Variants in AUH observed in about 807,000 individuals in gnomAD.
AUH encodes the protein AU RNA binding methylglutaconyl-CoA hydratase, also known as methylglutaconyl-CoA hydratase, mitochondrial.
A neutral mutation model predicts 42.3 loss-of-function variants in AUH; 29 were observed. The observed-to-expected ratio is 0.69, with a 90% CI of 0.51 to 0.93. AUH has a LOEUF of 0.93. AUH is among the 40% of genes least tolerant of loss of function. AUH has a pLI of 0.00. For synonymous variants in AUH, 174 were observed against 166.4 expected (o/e 1.05, Z -0.35); for missense variants, 452 against 438.1 (o/e 1.03, Z -0.28).
chr9:91,279,162 G>A (rs1241284219), intron 6 of AUH, among the ~76,000 whole-genome samples: 5 of 151,914 alleles, frequency 3.3e-5, no homozygotes, highest in African/African-American at 4.8e-5. Context: ...AAAAATTATC[G>A]CAAACAACCA....
chr9:91,296,181 A>C, intron 5 of AUH, 104 bp from the exon 6 acceptor site: 1 of 1,121,330 alleles, frequency 8.9e-7, no homozygotes, highest in Non-Finnish European at 1.3e-6. Context: ...TACTAATTAA[A>C]TTGATATCAC....
chr9:91,270,420 T>C (rs1364773367), intron 6 of AUH, among the ~76,000 whole-genome samples: 7 of 152,178 alleles, frequency 4.6e-5, no homozygotes. Context: ...GCTTTCCTCA[T>C]AGAAACTGGG....
At chr9:91,300,174 T>C (rs533925505) in intron 4 of AUH, among the ~76,000 whole-genome samples, 41 of 152,178 alleles carry the variant, frequency 2.7e-4, no homozygotes, top group Non-Finnish European at 5.4e-4. Context: ...CCTTTCCATC[T>C]ACCTCTGGTA....
chr9:91,298,901 T>C (rs1827560127), intron 4 of AUH, among the ~76,000 whole-genome samples: 1 of 152,198 alleles, frequency 6.6e-6, no homozygotes. Context: ...CCAATGTTAA[T>C]ATATAACAGA....
At chr9:91,277,586 T>A (rs1274713711) in intron 6 of AUH, among the ~76,000 whole-genome samples, 2 of 152,058 alleles carry the variant, frequency 1.3e-5, no homozygotes, top group Non-Finnish European at 2.9e-5. Flanking sequence ...GGAAAAAATC[T>A]ATGTATGTAT....
chr9:91,292,530 C>T (rs1320110924), intron 6 of AUH, among the ~76,000 whole-genome samples: 1 of 151,908 alleles, frequency 6.6e-6, no homozygotes, highest in Non-Finnish European at 1.5e-5. Context: ...CCACCCGCCT[C>T]GGCCTCCCAA....
chr9:91,318,541 T>C (rs978244204), intron 4 of AUH, among the ~76,000 whole-genome samples: 2 of 152,186 alleles, frequency 1.3e-5, no homozygotes, highest in African/African-American at 4.8e-5. Flanking sequence ...TATGTTTCCT[T>C]AGAAGCTTCA....
chr9:91,266,534 A>T (rs1285549809), intron 6 of AUH, among the ~76,000 whole-genome samples: 1 of 152,188 alleles, frequency 6.6e-6, no homozygotes, highest in Non-Finnish European at 1.5e-5. Context: ...ACAATAATAA[A>T]CCCTGAGCAA....
intron 6 of AUH, 76 bp downstream of exon 6, chr9:91,295,945 T>A: frequency 1.3e-6 from 2 of 1,518,390 alleles, no homozygotes; most frequent in African/African-American, 1.4e-5. Context: ...GCCTTTCCAA[T>A]TAACATGATT....
chr9:91,358,944 C>A (rs1007580149), intron 1 of AUH, among the ~76,000 whole-genome samples: 29 of 152,092 alleles, frequency 1.9e-4, no homozygotes, highest in African/African-American at 6.8e-4. Flanking sequence ...TTTTTTATAA[C>A]TGTCTCACTT....
intron 4 of AUH, among the ~76,000 whole-genome samples, chr9:91,305,450 T>A (rs1289262746): frequency 6.6e-6 from 1 of 152,198 alleles, no homozygotes; most frequent in Non-Finnish European, 1.5e-5. Flanking sequence ...ACTGCTTCCA[T>A]CAAATATATG....
chr9:91,291,084 G>A (rs1473794881), intron 6 of AUH, among the ~76,000 whole-genome samples: 1 of 152,142 alleles, frequency 6.6e-6, no homozygotes, highest in East Asian at 1.9e-4. Context: ...GCTTCCCGTG[G>A]CTGCCGACAA....
At chr9:91,230,017 A>G (rs1827773084) in intron 6 of AUH, among the ~76,000 whole-genome samples, 1 of 151,568 alleles carries the variant, frequency 6.6e-6, no homozygotes, top group South Asian at 2.1e-4. Flanking sequence ...ACTTTGGTGA[A>G]TCTGACAATT....
At chr9:91,282,479 T>A (rs1054056608) in intron 6 of AUH, among the ~76,000 whole-genome samples, 1 of 152,094 alleles carries the variant, frequency 6.6e-6, no homozygotes, top group Non-Finnish European at 1.5e-5. Flanking sequence ...AGTGTCCACA[T>A]CAGCACATGA....
At chr9:91,278,004 C>A (rs1411836017) in intron 6 of AUH, among the ~76,000 whole-genome samples, 1 of 152,120 alleles carries the variant, frequency 6.6e-6, no homozygotes, top group African/African-American at 2.4e-5. Context: ...CTCAAGGTTT[C>A]CCCACTGGAG....
At chr9:91,246,005 C>T (rs1828772391) in intron 6 of AUH, among the ~76,000 whole-genome samples, 1 of 152,188 alleles carries the variant, frequency 6.6e-6, no homozygotes, top group African/African-American at 2.4e-5. Context: ...AGCTGGGAAA[C>T]CATATTAAGC....
At chr9:91,308,300 A>G (rs1828388427) in intron 4 of AUH, among the ~76,000 whole-genome samples, 1 of 152,176 alleles carries the variant, frequency 6.6e-6, no homozygotes, top group African/African-American at 2.4e-5. Context: ...GTTCAAGGCT[A>G]CAGTGAGCTA....
At chr9:91,339,261 C>T (rs1267769638) in intron 3 of AUH, among the ~76,000 whole-genome samples, 1 of 152,190 alleles carries the variant, frequency 6.6e-6, no homozygotes, top group East Asian at 1.9e-4. Flanking sequence ...CTACTGAATG[C>T]GTATCACTTT....
chr9:91,240,438 T>G (rs1186401286), intron 6 of AUH, among the ~76,000 whole-genome samples: 1 of 152,086 alleles, frequency 6.6e-6, no homozygotes. Flanking sequence ...CAATCAACTC[T>G]CTCTCCTTCA....
Sources: gnomAD v4.1 joint callset for allele counts (sites outside exome capture counted in the v4.1 genomes callset) on GRCh38, gnomAD v4.1.1 for gene constraint, MANE v1.5 for transcripts, NCBI Gene and HGNC (gene_info 2026-07-23, HGNC 2026-07-21) for gene names.